CNTNAP2: variants seen among roughly 807,000 people sequenced by gnomAD.
CNTNAP2 encodes the protein contactin-associated protein-like 2.
Under a neutral mutation model 155.2 loss-of-function variants are expected in CNTNAP2, and 98 were observed. The ratio of observed to expected loss-of-function variants is 0.63; its 90% CI spans 0.54 to 0.75. CNTNAP2 has a LOEUF of 0.75. Among genes scored for constraint, CNTNAP2 ranks in the 30% least tolerant of loss-of-function variants. The probability of loss-of-function intolerance (pLI) is 0.00; values close to 1 mark genes in which losing one functional copy is unlikely to be tolerated. For synonymous variants in CNTNAP2, 651 were observed against 631.2 expected (o/e 1.03, Z -0.47); for missense variants, 1,727 against 1,688.1 (o/e 1.02, Z -0.40).
At chr7:146,224,879 G>T (rs575847310) in intron 1 of CNTNAP2, among the ~76,000 whole-genome samples, 61 of 152,160 alleles carry the variant, frequency 4.0e-4, no homozygotes, top group Non-Finnish European at 8.1e-4. Context: ...AATTTACCAA[G>T]TTTTTCTTCA....
At chr7:147,304,490 G>T (rs1376048353) in intron 9 of CNTNAP2, among the ~76,000 whole-genome samples, 2 of 152,030 alleles carry the variant, frequency 1.3e-5, no homozygotes, top group African/African-American at 4.8e-5. Flanking sequence ...TCTTTGTTGT[G>T]GTCATTTTTA....
chr7:147,945,583 A>G (rs1800805730), intron 14 of CNTNAP2, among the ~76,000 whole-genome samples: 1 of 152,014 alleles, frequency 6.6e-6, no homozygotes, highest in African/African-American at 2.4e-5. Context: ...GAGAACAACA[A>G]AAAAGAGAAA....
chr7:146,556,320 T>C (rs571455036), intron 1 of CNTNAP2, among the ~76,000 whole-genome samples: 7 of 152,328 alleles, frequency 4.6e-5, no homozygotes, highest in Admixed American at 2.0e-4. Context: ...TCTTGGCTTC[T>C]GGATCTGCCT....
chr7:146,678,122 C>T (rs964990908), intron 1 of CNTNAP2, among the ~76,000 whole-genome samples: 1 of 152,018 alleles, frequency 6.6e-6, no homozygotes, highest in Non-Finnish European at 1.5e-5. Context: ...AGTAGGAGTA[C>T]AGTGGCACAA....
chr7:146,807,570 C>T (rs1051687402), intron 2 of CNTNAP2, among the ~76,000 whole-genome samples: 5 of 151,942 alleles, frequency 3.3e-5, no homozygotes, highest in African/African-American at 1.2e-4. Context: ...ATCATTATTA[C>T]CTCTCATGGT....
intron 12 of CNTNAP2, among the ~76,000 whole-genome samples, chr7:147,566,891 G>C (rs560714810): frequency 2.2e-4 from 34 of 152,306 alleles, no homozygotes; most frequent in African/African-American, 7.9e-4. Context: ...TAGAGAAAAA[G>C]TGTCTGAGAG....
chr7:146,882,642 A>C (rs1305614074), intron 3 of CNTNAP2, among the ~76,000 whole-genome samples: 1 of 152,062 alleles, frequency 6.6e-6, no homozygotes, highest in Non-Finnish European at 1.5e-5. Context: ...CTCTTTCCTA[A>C]GTTACCCAGT....
At chr7:146,380,882 C>T (rs1795375336) in intron 1 of CNTNAP2, among the ~76,000 whole-genome samples, 1 of 144,798 alleles carries the variant, frequency 6.9e-6, no homozygotes, top group Admixed American at 7.0e-5. Context: ...ACTGCAGGCT[C>T]CGCCCCCTGG....
intron 13 of CNTNAP2, among the ~76,000 whole-genome samples, chr7:147,764,811 A>G (rs774765094): frequency 7.9e-5 from 12 of 152,206 alleles, no homozygotes; most frequent in Non-Finnish European, 1.3e-4. Context: ...AGAAGTCATC[A>G]TATCTCTGCT....
chr7:147,726,498 G>A (rs1796645887), intron 13 of CNTNAP2, among the ~76,000 whole-genome samples: 1 of 151,962 alleles, frequency 6.6e-6, no homozygotes, highest in African/African-American at 2.4e-5. Context: ...CAGGTGTTAG[G>A]CTGTCTTTAT....
intron 13 of CNTNAP2, among the ~76,000 whole-genome samples, chr7:147,708,262 G>C (rs950617870): frequency 2.6e-5 from 4 of 152,190 alleles, no homozygotes; most frequent in Non-Finnish European, 4.4e-5. Flanking sequence ...AGGAGAGTTT[G>C]TTCATGGGGC....
At chr7:147,342,806 C>T (rs1795786899) in intron 9 of CNTNAP2, among the ~76,000 whole-genome samples, 1 of 152,066 alleles carries the variant, frequency 6.6e-6, no homozygotes, top group Non-Finnish European at 1.5e-5. Context: ...TGTTGACCCT[C>T]TGAAATAAAA....
At chr7:146,241,348 A>G (rs1799559601) in intron 1 of CNTNAP2, among the ~76,000 whole-genome samples, 1 of 152,218 alleles carries the variant, frequency 6.6e-6, no homozygotes, top group Non-Finnish European at 1.5e-5. Flanking sequence ...GGAGATACTG[A>G]GTCATGTTGA....
At chr7:146,536,884 T>G (rs927635243) in intron 1 of CNTNAP2, among the ~76,000 whole-genome samples, 1 of 152,124 alleles carries the variant, frequency 6.6e-6, no homozygotes, top group African/African-American at 2.4e-5. Flanking sequence ...ACTCTGTATT[T>G]GCAAATAGTT....
intron 8 of CNTNAP2, among the ~76,000 whole-genome samples, chr7:147,276,526 A>G (rs1429697594): frequency 1.3e-5 from 2 of 152,086 alleles, no homozygotes; most frequent in Non-Finnish European, 2.9e-5. Context: ...TACAGATACC[A>G]TAGCTTGTAA....
intron 10 of CNTNAP2, among the ~76,000 whole-genome samples, chr7:147,407,825 A>G (rs1797035531): frequency 6.6e-6 from 1 of 152,228 alleles, no homozygotes; most frequent in African/African-American, 2.4e-5. Context: ...TAAAAGAAGT[A>G]GGTTGAACTT....
intron 9 of CNTNAP2, among the ~76,000 whole-genome samples, chr7:147,381,264 T>C (rs1444935245): frequency 1.3e-5 from 2 of 152,110 alleles, no homozygotes; most frequent in Non-Finnish European, 2.9e-5. Flanking sequence ...AGTGAGTTAG[T>C]CAGGGTCACA....
rs774845111 is a variant in CNTNAP2, at chr7:147,454,338, A to T, written c.1671-31597A>T. Among the ~76,000 whole-genome samples, 156 of 152,160 alleles carry T rather than the reference A, an allele frequency of 1.0e-3. 3 individuals are homozygous for T. The highest frequency in any genetic ancestry group is 1.3e-4 in the Non-Finnish European group (9 of 68,012). ...GTTTAAGTAAACTATGTGTTCAGCC[A>T]AGGTTATGCATTCCTCTTGTTTTAT... is the stretch of plus-strand genomic sequence containing the variant. On this transcript the variant is annotated intron_variant, in intron 10 of 23. Coordinates refer to ENST00000361727, the MANE Select transcript of CNTNAP2 (RefSeq NM_014141.6).
chr7:146,866,130 G>A lies in CNTNAP2; in HGVS notation c.402+26226G>A, dbSNP rs1301305333. ...GCTGTATCATTCCAATGTTCCCCCC[G>A]ACAGTTTCTCATCTGCCTGTTTTAC... On this transcript the variant is annotated intron_variant, in intron 3 of 23. Coordinates refer to ENST00000361727, the MANE Select transcript of CNTNAP2 (RefSeq NM_014141.6). Among the ~76,000 whole-genome samples the A allele has an allele frequency of 7.9e-5, 12 of 152,072 alleles. No homozygotes were observed. In the South Asian group the frequency reaches 1.9e-3, roughly 24 times the overall value.
Sources: gnomAD v4.1 joint callset for allele counts (sites outside exome capture counted in the v4.1 genomes callset) on GRCh38, gnomAD v4.1.1 for gene constraint, MANE v1.5 for transcripts, NCBI Gene and HGNC (gene_info 2026-07-23, HGNC 2026-07-21) for gene names.